FAM13B: variants seen among roughly 807,000 people sequenced by gnomAD.
The protein encoded by FAM13B is family with sequence similarity 13 member B, also known as protein FAM13B.
A neutral mutation model predicts 117.3 loss-of-function variants in FAM13B; 60 were observed. The ratio of observed to expected loss-of-function variants is 0.51; its 90% CI spans 0.42 to 0.63. The LOEUF (loss-of-function observed/expected upper bound fraction) is 0.63. Among genes scored for constraint, FAM13B ranks in the 30% least tolerant of loss-of-function variants. FAM13B has a pLI of 0.00. For missense variants in FAM13B, 972 were observed against 1,091.9 expected (o/e 0.89, Z 1.55); for synonymous variants, 332 against 356.1 (o/e 0.93, Z 0.76).
At chr5:137,990,234 T>C (rs377063344) in intron 7 of FAM13B, among the ~76,000 whole-genome samples, 32 of 152,190 alleles carry the variant, frequency 2.1e-4, no homozygotes, top group Middle Eastern at 3.2e-3. Flanking sequence ...TCCTTGCCTA[T>C]CGAGAAATAT....
chr5:138,044,957 A>G (rs1451026571), intron 1 of FAM13B, among the ~76,000 whole-genome samples: 2 of 152,250 alleles, frequency 1.3e-5, no homozygotes, highest in Non-Finnish European at 2.9e-5. Context: ...TAAACTCGCC[A>G]GCATGGCCAA....
At chr5:138,003,262 C>T (rs1295020866) in intron 7 of FAM13B, among the ~76,000 whole-genome samples, 1 of 151,550 alleles carries the variant, frequency 6.6e-6, no homozygotes, top group Non-Finnish European at 1.5e-5. Flanking sequence ...TACTACACAC[C>T]GTGGATATTT....
At chr5:138,019,224 G>C in intron 2 of FAM13B, 78 bp from the exon 3 acceptor site, 1 of 1,244,192 alleles carries the variant, frequency 8.0e-7, no homozygotes, top group Non-Finnish European at 1.1e-6. Context: ...AAAGAAAAAT[G>C]CTTTACACCT....
intron 6 of FAM13B, among the ~76,000 whole-genome samples, chr5:138,009,734 G>A (rs1223834606): frequency 7.1e-6 from 1 of 140,794 alleles, no homozygotes; most frequent in East Asian, 2.3e-4. Context: ...GAACCTGGGA[G>A]ACAGGGGTTG....
At chr5:137,950,686 C>G (rs1554115485) in intron 17 of FAM13B, among the ~76,000 whole-genome samples, 8 of 151,882 alleles carry the variant, frequency 5.3e-5, no homozygotes, top group Non-Finnish European at 1.2e-4. Flanking sequence ...GCTAACATGA[C>G]TTTTTTAAAG....
At chr5:137,955,731 A>G (rs1379845136) in intron 14 of FAM13B, among the ~76,000 whole-genome samples, 1 of 152,124 alleles carries the variant, frequency 6.6e-6, no homozygotes, top group African/African-American at 2.4e-5. Flanking sequence ...TCCTGGGTTC[A>G]AGCGATTCTC....
intron 10 of FAM13B, among the ~76,000 whole-genome samples, chr5:137,969,034 A>G (rs6867718): frequency 0.98 from 149,332 of 152,310 alleles, 73,278 homozygotes; most frequent in Middle Eastern, 1. Context: ...GGCTGGGGGA[A>G]GGGTGCCCGC....
At chr5:137,942,099 A>T (rs1267762081) in intron 22 of FAM13B, 54 bp from the exon 23 acceptor site, 22 of 1,436,786 alleles carry the variant, frequency 1.5e-5, no homozygotes, top group Non-Finnish European at 2.1e-5. Context: ...TTATATTCTT[A>T]AGAGAGGTTC....
intron 4 of FAM13B, among the ~76,000 whole-genome samples, chr5:138,015,429 G>C (rs114267428): frequency 0.011 from 1,734 of 152,342 alleles, 28 homozygotes; most frequent in African/African-American, 0.04. Flanking sequence ...ACAGCTGGGT[G>C]CCATGGCTCA....
intron 2 of FAM13B, among the ~76,000 whole-genome samples, chr5:138,019,354 C>A (rs1037075748): frequency 4.6e-5 from 7 of 152,190 alleles, no homozygotes; most frequent in Non-Finnish European, 8.8e-5. Flanking sequence ...GCTGAATGCT[C>A]CCTTTAGTGT....
At chr5:138,045,999 C>A (rs1791630938) in intron 1 of FAM13B, among the ~76,000 whole-genome samples, 1 of 151,964 alleles carries the variant, frequency 6.6e-6, no homozygotes, top group Non-Finnish European at 1.5e-5. Flanking sequence ...TGTCCCCACC[C>A]AAATCTCATC....
At chr5:138,018,122 G>C (rs1292614991) in intron 4 of FAM13B, among the ~76,000 whole-genome samples, 180 bp downstream of exon 4, 2 of 152,004 alleles carry the variant, frequency 1.3e-5, no homozygotes, top group Non-Finnish European at 2.9e-5. Flanking sequence ...AATAGTACTA[G>C]AGGGATCCCG....
intron 23 of FAM13B, among the ~76,000 whole-genome samples, chr5:137,941,413 T>TA (rs1761789303): frequency 6.6e-6 from 1 of 152,314 alleles, no homozygotes; most frequent in East Asian, 1.9e-4. Context: ...GTATTTTTCT[T>TA]AGTTTTTAAA....
chr5:138,005,181 G>A lies in FAM13B; in HGVS notation c.848+1809C>T, dbSNP rs1371444316. Among the ~76,000 whole-genome samples the A allele has an allele frequency of 6.6e-5, 10 of 152,312 alleles. No homozygotes were observed. In the East Asian group the frequency reaches 1.7e-3, roughly 26 times the overall value. ...GAACCCGGGAGACAGAGGTTGCAGT[G>A]AGCCGAGATTGTGCCATTGCACTCC... On this transcript the variant is annotated intron_variant, in intron 7 of 23. Transcript: ENST00000689681.
At chr5:138,044,872 T>C (rs934617430) in intron 1 of FAM13B, among the ~76,000 whole-genome samples, 2 of 152,168 alleles carry the variant, frequency 1.3e-5, no homozygotes, top group African/African-American at 4.8e-5. Flanking sequence ...GGCCAACACA[T>C]GTATGAAAAA....
intron 6 of FAM13B, among the ~76,000 whole-genome samples, chr5:138,009,838 G>A (rs1220911310): frequency 2.0e-5 from 3 of 151,150 alleles, no homozygotes; most frequent in East Asian, 3.9e-4. Flanking sequence ...GGGCAGGGGT[G>A]GGAATTATTG....
chr5:137,969,682 A>G (rs946142569), intron 10 of FAM13B, among the ~76,000 whole-genome samples: 1 of 152,212 alleles, frequency 6.6e-6, no homozygotes, highest in Non-Finnish European at 1.5e-5. Context: ...AGGACATTCA[A>G]ACCAAAGGCA....
At chr5:138,034,362 T>A (rs1381726), upstream of FAM13B, among the ~76,000 whole-genome samples, 22,024 of 152,206 alleles carry the variant, frequency 0.14, 1,983 homozygotes, top group East Asian at 0.36. Context: ...GGAGTTTATA[T>A]CCTAGCAAAC....
intron 1 of FAM13B, among the ~76,000 whole-genome samples, chr5:138,041,938 G>C (rs1355505483): frequency 6.6e-6 from 1 of 151,446 alleles, no homozygotes; most frequent in African/African-American, 2.4e-5. Flanking sequence ...GTTTGCACCT[G>C]TAATCCCAGC....
Sources: allele counts gnomAD v4.1 joint callset (sites outside exome capture counted in the v4.1 genomes callset), GRCh38; gene constraint gnomAD v4.1.1; transcripts MANE v1.5; gene names NCBI Gene and HGNC (gene_info 2026-07-23, HGNC 2026-07-21).